Variants in GOLGA8B observed in about 807,000 individuals in gnomAD.
The protein encoded by GOLGA8B is golgin A8 family member B, also known as golgin subfamily A member 8B.
Under a neutral mutation model 15.6 loss-of-function variants are expected in GOLGA8B, and 1 was observed. The observed-to-expected ratio is 0.06, with a 90% CI of 0.02 to 0.30. GOLGA8B has a LOEUF of 0.30. GOLGA8B is among the 10% of genes least tolerant of loss of function. The pLI, the probability that GOLGA8B is intolerant of heterozygous loss-of-function variation, is 1.00. For synonymous variants in GOLGA8B, 9 were observed against 80.3 expected (o/e 0.11, Z 4.75); for missense variants, 17 against 201.3 (o/e 0.08, Z 5.54).
intron 1 of GOLGA8B, among the ~76,000 whole-genome samples, chr15:34,580,595 G>A (rs62004934): frequency 0.36 from 55,046 of 151,578 alleles, 10,363 homozygotes; most frequent in Admixed American, 0.45. Context: ...GAGGCGAGAA[G>A]CGACAGTGCC....
intron 1 of GOLGA8B, among the ~76,000 whole-genome samples, chr15:34,554,402 A>G (rs1001538235): frequency 6.7e-6 from 1 of 149,696 alleles, no homozygotes; most frequent in South Asian, 2.1e-4. Flanking sequence ...CATACACACC[A>G]CACACATACC....
intron 1 of GOLGA8B, among the ~76,000 whole-genome samples, chr15:34,578,389 T>C (rs984475297): frequency 4.6e-5 from 7 of 152,144 alleles, no homozygotes; most frequent in African/African-American, 1.7e-4. Context: ...TGTTGAAAAT[T>C]AGCCCCTGTA....
chr15:34,576,081 G>A (rs1036373172), intron 1 of GOLGA8B, among the ~76,000 whole-genome samples: 5 of 152,172 alleles, frequency 3.3e-5, no homozygotes, highest in Non-Finnish European at 7.3e-5. Context: ...CCAGGTTAGC[G>A]TCCCGCACCC....
chr15:34,577,292 T>G lies in GOLGA8B; in HGVS notation c.-1123+6224A>C, dbSNP rs1049687839. ...GAGAAATCCATCATCCCTAAATGCA[T>G]GCGGTTACTCAACTAGTGGCTTTAC... On this transcript the variant is annotated intron_variant, in intron 1 of 23. Transcript: ENST00000683415. Among the ~76,000 whole-genome samples the G allele has an allele frequency of 9.9e-5, 15 of 152,076 alleles. 1 individual carries two copies. The highest frequency in any genetic ancestry group is 8.5e-4 in the Admixed American group (13 of 15,262).
chr15:34,579,704 G>A (rs147824365), intron 1 of GOLGA8B, among the ~76,000 whole-genome samples: 2 of 152,242 alleles, frequency 1.3e-5, no homozygotes, highest in East Asian at 1.9e-4. Flanking sequence ...GAACACAGCT[G>A]GGTTCCAGCT....
chr15:34,564,160 A>G (rs866367865), intron 1 of GOLGA8B, among the ~76,000 whole-genome samples: 4,609 of 144,772 alleles, frequency 0.032, 51 homozygotes, highest in African/African-American at 0.11. Context: ...GGGTGTTACT[A>G]AACGTCCTAC....
chr15:34,574,279 G>C (rs1392749102), intron 1 of GOLGA8B, among the ~76,000 whole-genome samples: 3 of 151,086 alleles, frequency 2.0e-5, no homozygotes, highest in Admixed American at 6.6e-5. Flanking sequence ...ACATCAAGTA[G>C]AGCTTTCTCT....
chr15:34,556,988 G>C (rs1888505757), intron 1 of GOLGA8B, among the ~76,000 whole-genome samples: 1 of 147,400 alleles, frequency 6.8e-6, no homozygotes, highest in East Asian at 1.9e-4. Context: ...TTGCGTGGAT[G>C]CTCCGGCCAC....
intron 1 of GOLGA8B, chr15:34,582,628 G>A (rs762056982): frequency 6.6e-6 from 1 of 152,220 alleles, no homozygotes; most frequent in South Asian, 2.1e-4. Context: ...AGACTAGCAG[G>A]CCCCTCTAAG....
chr15:34,564,716 A>T (rs1427257302), intron 1 of GOLGA8B, among the ~76,000 whole-genome samples: 1 of 143,458 alleles, frequency 7.0e-6, no homozygotes, highest in Non-Finnish European at 1.6e-5. Flanking sequence ...GTGTAGGGAG[A>T]GATGAGAAGT....
chr15:34,580,112 TG>T lies in GOLGA8B; in HGVS notation c.-1123+3403del, dbSNP rs575489640. On this transcript the variant is annotated intron_variant, in intron 1 of 23. Coordinates refer to ENST00000683415, the MANE Select transcript of GOLGA8B (RefSeq NM_001023567.5). ...AGGTGCAAAGGCCTGGAGGCAAGAG[TG>T]GCCTGGCAAATCCGAGGACCAAGGG... 1.8e-3 allele frequency among the ~76,000 whole-genome samples: 273 copies of T among 151,642 alleles called. 1 individual carries two copies. The highest frequency in any genetic ancestry group is 6.3e-3 in the African/African-American group (262 of 41,346).
chr15:34,578,557 C>T (rs72726710), intron 1 of GOLGA8B, among the ~76,000 whole-genome samples: 1 of 152,230 alleles, frequency 6.6e-6, no homozygotes, highest in Non-Finnish European at 1.5e-5. Flanking sequence ...CAGCAGAGTG[C>T]TCTTAGGCAA....
At chr15:34,583,250 G>A (rs1889297073) in intron 1 of GOLGA8B, among the ~76,000 whole-genome samples, 1 of 152,080 alleles carries the variant, frequency 6.6e-6, no homozygotes, top group Middle Eastern at 3.5e-3. Context: ...CCCGGGATGC[G>A]AGAGTATTGC....
intron 1 of GOLGA8B, among the ~76,000 whole-genome samples, chr15:34,563,929 T>C (rs1338315392): frequency 7.1e-6 from 1 of 141,024 alleles, no homozygotes; most frequent in Non-Finnish European, 1.6e-5. Context: ...GTTTCCTTCC[T>C]TCTAGGCTCT....
At chr15:34,554,374 CACAT>C (rs1443409873) in intron 1 of GOLGA8B, among the ~76,000 whole-genome samples, 1 of 152,090 alleles carries the variant, frequency 6.6e-6, no homozygotes, top group African/African-American at 2.4e-5. Context: ...ATGCACCACA[CACAT>C]ACCATGCCCA....
intron 1 of GOLGA8B, among the ~76,000 whole-genome samples, chr15:34,569,700 A>C (rs1595709042): frequency 1.3e-5 from 2 of 151,804 alleles, no homozygotes; most frequent in Admixed American, 1.3e-4. Context: ...AAAATGATGG[A>C]AACTAGTGTA....
intron 1 of GOLGA8B, among the ~76,000 whole-genome samples, chr15:34,558,107 G>A (rs1204351387): frequency 8.0e-6 from 1 of 124,312 alleles, no homozygotes; most frequent in Non-Finnish European, 1.8e-5. Context: ...CTTCAGAGAA[G>A]AGAAGGTGAT....
Position 34,527,486 on chromosome 15 carries a change from T to G in GOLGA8B, c.*146A>C. 2 of 705,800 alleles carry G rather than the reference T, an allele frequency of 2.8e-6. 1 individual carries two copies. Among genetic ancestry groups the G allele is most frequent in the Non-Finnish European group, 4.3e-6 (2 of 465,162 alleles). 43.7% of individuals were successfully genotyped at this position (705,800 alleles called of 1,614,324 possible). ...CCACTCTCTTTTAACTTTTTACAAA[T>G]AAACTTAAACTATAAATTAGAAACA... On this transcript the variant is annotated 3_prime_UTR_variant, in exon 24 of 24. Transcript: ENST00000683415.
intron 1 of GOLGA8B, among the ~76,000 whole-genome samples, chr15:34,579,483 AC>A (rs1889171116): frequency 6.6e-6 from 1 of 152,190 alleles, no homozygotes; most frequent in Non-Finnish European, 1.5e-5. Flanking sequence ...GGCAGCAGGG[AC>A]CACCTGGGTG....
Sources: gnomAD v4.1 joint callset for allele counts (sites outside exome capture counted in the v4.1 genomes callset) on GRCh38, gnomAD v4.1.1 for gene constraint, MANE v1.5 for transcripts, NCBI Gene and HGNC (gene_info 2026-07-23, HGNC 2026-07-21) for gene names.